SLC7A5: variants seen among roughly 807,000 people sequenced by gnomAD.
SLC7A5 encodes solute carrier family 7 member 5, also known as large neutral amino acids transporter small subunit 1.
A neutral mutation model predicts 50.2 loss-of-function variants in SLC7A5; 23 were observed. The observed-to-expected ratio is 0.46, with a 90% CI of 0.33 to 0.65. The LOEUF is 0.65. Ranked by LOEUF, SLC7A5 falls within the 30% of genes least tolerant of loss-of-function variation. The probability of loss-of-function intolerance (pLI) is 0.02; values close to 1 mark genes in which losing one functional copy is unlikely to be tolerated. For synonymous variants in SLC7A5, 393 were observed against 330.6 expected, an observed-to-expected ratio of 1.19 and a Z score of -2.05; for missense variants, 578 against 684.4, an observed-to-expected ratio of 0.84 and a Z score of 1.73.
Position 87,869,488 on chromosome 16 carries a change from C to T in SLC7A5, c.-66G>A. On this transcript the variant is annotated 5_prime_UTR_variant, in exon 1 of 10. Transcript: ENST00000261622. Reference sequence around the variant, plus strand: ...GGCCCAGCGAGCAGTGTGCGCGCCGCCCGCCGCCCGCAGCTGCGTCAGGAA... The same window carrying T: ...GGCCCAGCGAGCAGTGTGCGCGCCGTCCGCCGCCCGCAGCTGCGTCAGGAA... The T allele has an allele frequency of 8.8e-7, 1 of 1,132,886 alleles. No homozygotes were observed. The highest frequency in any genetic ancestry group is 1.1e-6 in the Non-Finnish European group (1 of 920,286). 70.2% of individuals were successfully genotyped at this position (1,132,886 alleles called of 1,614,324 possible). A position where few individuals can be genotyped will look rare whatever the true frequency, so the allele number is the denominator to read the frequency against.
intron 2 of SLC7A5, among the ~76,000 whole-genome samples, chr16:87,842,425 G>A (rs2055093096): frequency 6.6e-6 from 1 of 152,238 alleles, no homozygotes. Flanking sequence ...TTTCAAAGGG[G>A]ACCCGTGAAG....
rs1304026980 is a variant in SLC7A5, at chr16:87,841,433, C to G, written c.665-278G>C. 1.3e-5 allele frequency among the ~76,000 whole-genome samples: 2 copies of G among 152,208 alleles called. No homozygotes were observed. The highest frequency in any genetic ancestry group is 2.9e-5 in the Non-Finnish European group (2 of 68,028). ...CCAGGAGGGCTCCTCAGACGCTTGT[C>G]TACAGGAGGTCAGGATGGAGGGGTC... On this transcript the variant is annotated intron_variant, in intron 2 of 9. Coordinates refer to ENST00000261622, the MANE Select transcript of SLC7A5 (RefSeq NM_003486.7). The surrounding 1 kb of genome is among the most constrained non-coding windows in gnomAD (Gnocchi z 4.8).
At chr16:87,863,986 A>AAAAAAAAAAATATATAT (rs376938738) in intron 1 of SLC7A5, among the ~76,000 whole-genome samples, 11 of 83,280 alleles carry the variant, frequency 1.3e-4, no homozygotes, top group African/African-American at 4.3e-4. Flanking sequence ...ATCATTTAAA[A>AAAAAAAAAAATATATAT]ATATATATAT....
At chr16:87,863,986 A>AAAAAAAAAAAAATAT (rs376938738) in intron 1 of SLC7A5, among the ~76,000 whole-genome samples, 17 of 83,276 alleles carry the variant, frequency 2.0e-4, no homozygotes, top group African/African-American at 6.6e-4. Context: ...ATCATTTAAA[A>AAAAAAAAAAAAATAT]ATATATATAT....
intron 2 of SLC7A5, among the ~76,000 whole-genome samples, chr16:87,845,193 C>T (rs868607239): frequency 6.6e-5 from 10 of 151,962 alleles, no homozygotes; most frequent in Admixed American, 2.0e-4. Flanking sequence ...GGAGACCTCC[C>T]GGCTTCTCAG....
intron 2 of SLC7A5, among the ~76,000 whole-genome samples, chr16:87,851,469 C>CGCA (rs1198098812): frequency 2.0e-5 from 3 of 152,196 alleles, no homozygotes; most frequent in Non-Finnish European, 4.4e-5. Flanking sequence ...TCACAGACAT[C>CGCA]GCAGCGTAAA....
chr16:87,846,450 C>T (rs1193134952), intron 2 of SLC7A5, among the ~76,000 whole-genome samples: 1 of 152,234 alleles, frequency 6.6e-6, no homozygotes, highest in African/African-American at 2.4e-5. Flanking sequence ...TCCATCCTGT[C>T]CCCCAAAACT....
chr16:87,857,439 C>A (rs1192701188), intron 1 of SLC7A5, among the ~76,000 whole-genome samples: 2 of 152,212 alleles, frequency 1.3e-5, no homozygotes, highest in African/African-American at 4.8e-5. Flanking sequence ...CCTGCCACCA[C>A]ACCGGCCTAA....
chr16:87,856,425 G>A (rs1209907822), intron 1 of SLC7A5, among the ~76,000 whole-genome samples: 1 of 152,200 alleles, frequency 6.6e-6, no homozygotes, highest in East Asian at 1.9e-4. Flanking sequence ...GGTCCCCCAG[G>A]GTGCACCGGG....
At chr16:87,856,631 G>A (rs906833499) in intron 1 of SLC7A5, among the ~76,000 whole-genome samples, 2 of 152,222 alleles carry the variant, frequency 1.3e-5, no homozygotes, top group African/African-American at 4.8e-5. Flanking sequence ...GGGCTCCTGA[G>A]ACAGCTTCTT....
chr16:87,849,149 C>G (rs1363220143), intron 2 of SLC7A5, among the ~76,000 whole-genome samples: 1 of 152,220 alleles, frequency 6.6e-6, no homozygotes, highest in Non-Finnish European at 1.5e-5. Context: ...AGGCCGGAGT[C>G]TCTGCCTTGA....
intron 2 of SLC7A5, 118 bp downstream of exon 2, chr16:87,851,606 G>C (rs972153343): frequency 2.7e-5 from 35 of 1,273,852 alleles, no homozygotes; most frequent in Non-Finnish European, 3.7e-5. Flanking sequence ...TCTCCACGTT[G>C]TACAGCACTG....
intron 2 of SLC7A5, among the ~76,000 whole-genome samples, chr16:87,845,342 C>T (rs542470692): frequency 1.3e-5 from 2 of 152,334 alleles, no homozygotes; most frequent in South Asian, 2.1e-4. Flanking sequence ...AGCTAGCTGC[C>T]CTGTGGGCTC....
At position 87,831,949 on chromosome 16, in the gene SLC7A5, C is replaced by T. The variant is rs533293683; in HGVS notation, c.*1021G>A. On this transcript the variant is annotated 3_prime_UTR_variant, in exon 10 of 10. Coordinates refer to ENST00000261622, the MANE Select transcript of SLC7A5 (RefSeq NM_003486.7). ...CAGGACATGAGCGTGACAGGGAGAG[C>T]GGGGAGGTGCCTAGGCCGGGAGTGG... 3.9e-4 allele frequency: 60 copies of T among 153,074 alleles called. No individual in the cohort carries two copies. The highest frequency in any genetic ancestry group is 1.2e-3 in the African/African-American group (51 of 41,548). The allele number at this position is 153,074 out of a possible 1,614,324, so 9.5% of individuals were successfully genotyped here.
intron 1 of SLC7A5, 95 bp from the exon 2 acceptor site, chr16:87,851,944 C>A: frequency 1.4e-6 from 2 of 1,461,046 alleles, no homozygotes; most frequent in East Asian, 4.6e-5. Context: ...CACCCCAGGG[C>A]CAGGTCCACC....
At position 87,862,830 on chromosome 16, in the gene SLC7A5, G is replaced by C. The variant is rs190811782; in HGVS notation, c.538+6055C>G. Among the ~76,000 whole-genome samples the C allele has an allele frequency of 8.7e-4, 133 of 152,354 alleles. No homozygotes were observed. Among genetic ancestry groups the C allele is most frequent in the Non-Finnish European group, 1.5e-3 (103 of 68,028 alleles). On this transcript the variant is annotated intron_variant, in intron 1 of 9. Transcript: ENST00000261622. The surrounding 1 kb of genome is among the most constrained non-coding windows in gnomAD (Gnocchi z 5.3). ...CTTTTGGCCTGATGCTAGCTGGACA[G>C]TGTCTCAGCTCACAGGTTCCTAAAC...
chr16:87,853,614 A>AGG lies in SLC7A5; in HGVS notation c.539-1767_539-1766dup, dbSNP rs1433140600. Among the ~76,000 whole-genome samples the AGG allele has an allele frequency of 1.3e-5, 2 of 152,148 alleles. No individual in the cohort carries two copies. Among genetic ancestry groups the AGG allele is most frequent in the Non-Finnish European group, 2.9e-5 (2 of 68,020 alleles). The stretch of plus-strand genomic sequence containing the variant: ...AGCTCCTTGTCCGCTGCACAGGGCA[A>AGG]GGGGCAGGTCCTGGCTTGCCAGTCC... On this transcript the variant is annotated intron_variant, in intron 1 of 9. Coordinates refer to ENST00000261622, the MANE Select transcript of SLC7A5 (RefSeq NM_003486.7). The surrounding 1 kb of genome is among the most constrained non-coding windows in gnomAD (Gnocchi z 4.4).
intron 5 of SLC7A5, 132 bp from the exon 6 acceptor site, chr16:87,838,949 C>T (rs1227363325): frequency 2.7e-6 from 2 of 730,342 alleles, no homozygotes; most frequent in East Asian, 5.4e-5. Context: ...GAGGACCTCT[C>T]AGGCTGGATT....
At chr16:87,834,640 C>T (rs369261344) in intron 8 of SLC7A5, 49 bp from the exon 9 acceptor site, 1 of 1,550,412 alleles carries the variant, frequency 6.4e-7, no homozygotes, top group Non-Finnish European at 8.7e-7. Flanking sequence ...TCCAGCCTCC[C>T]TCCCCCATGC....
Sources: gnomAD v4.1 joint callset for allele counts (sites outside exome capture counted in the v4.1 genomes callset) on GRCh38, gnomAD v4.1.1 for gene constraint, Gnocchi (gnomAD v3.1) non-coding constraint, MANE v1.5 for transcripts, NCBI Gene and HGNC (gene_info 2026-07-23, HGNC 2026-07-21) for gene names.